USP49: variants seen among roughly 807,000 people sequenced by gnomAD.
The protein encoded by USP49 is ubiquitin carboxyl-terminal hydrolase 49.
A neutral mutation model predicts 58.6 loss-of-function variants in USP49; 24 were observed. That is an observed-to-expected ratio of 0.41 (90% CI 0.30 to 0.58). The LOEUF is 0.58. Ranked by LOEUF, USP49 falls within the 20% of genes least tolerant of loss-of-function variation. USP49 has a pLI of 0.30. For missense variants in USP49, 703 were observed against 866.1 expected, an observed-to-expected ratio of 0.81 and a Z score of 2.36; for synonymous variants, 408 against 365.1, an observed-to-expected ratio of 1.12 and a Z score of -1.34.
chr6:41,822,911 TTAAA>T (rs1246228836), intron 3 of USP49, among the ~76,000 whole-genome samples: 2 of 152,066 alleles, frequency 1.3e-5, no homozygotes, highest in Non-Finnish European at 2.9e-5. Flanking sequence ...GGAGTATTTG[TTAAA>T]TAAATACAGA....
intron 3 of USP49, among the ~76,000 whole-genome samples, chr6:41,860,413 G>T (rs1486177379): frequency 6.6e-6 from 1 of 151,906 alleles, no homozygotes; most frequent in Non-Finnish European, 1.5e-5. Flanking sequence ...GATAAATGAG[G>T]AAATTTGAAC....
At chr6:41,859,570 A>C (rs1462277260) in intron 3 of USP49, among the ~76,000 whole-genome samples, 1 of 152,176 alleles carries the variant, frequency 6.6e-6, no homozygotes, top group Non-Finnish European at 1.5e-5. Context: ...AACCTGAAGA[A>C]GACATCGTGC....
chr6:41,832,388 G>T (rs1007598113), intron 3 of USP49, among the ~76,000 whole-genome samples: 1 of 152,188 alleles, frequency 6.6e-6, no homozygotes, highest in African/African-American at 2.4e-5. Flanking sequence ...AGCTACATAT[G>T]TATGTACTGG....
At chr6:41,870,380 A>C (rs1340285639) in intron 3 of USP49, among the ~76,000 whole-genome samples, 2 of 152,184 alleles carry the variant, frequency 1.3e-5, no homozygotes, top group African/African-American at 4.8e-5. Flanking sequence ...GCACAAATAC[A>C]TGCCATATAC....
At chr6:41,800,044 A>G in intron 5 of USP49, 106 bp from the exon 6 acceptor site, 1 of 1,004,002 alleles carries the variant, frequency 1.0e-6, no homozygotes, top group Non-Finnish European at 1.5e-6. Context: ...ATTTCTCAGT[A>G]TCTGAACCTC....
intron 3 of USP49, among the ~76,000 whole-genome samples, chr6:41,844,259 A>G (rs901985558): frequency 2.0e-5 from 3 of 152,086 alleles, no homozygotes; most frequent in African/African-American, 7.2e-5. Flanking sequence ...AATTTTCTAA[A>G]TGATTGTTTA....
intron 3 of USP49, among the ~76,000 whole-genome samples, chr6:41,816,722 T>TTATTA: frequency 1.1e-5 from 1 of 92,662 alleles, no homozygotes; most frequent in Non-Finnish European, 2.2e-5. Context: ...TATTATTATT[T>TTATTA]TATTTTTTAA....
At chr6:41,883,714 T>C (rs1774656407) in intron 2 of USP49, among the ~76,000 whole-genome samples, 1 of 152,148 alleles carries the variant, frequency 6.6e-6, no homozygotes, top group Non-Finnish European at 1.5e-5. Context: ...TACCAAGTGT[T>C]GGGAGGGGCG....
chr6:41,851,770 T>C (rs942805383), intron 3 of USP49, among the ~76,000 whole-genome samples: 12 of 151,210 alleles, frequency 7.9e-5, no homozygotes, highest in African/African-American at 2.4e-4. Flanking sequence ...CTGGCCAAGA[T>C]GGTGAAACCC....
intron 3 of USP49, among the ~76,000 whole-genome samples, chr6:41,819,738 G>C (rs1421926012): frequency 2.6e-5 from 4 of 152,124 alleles, no homozygotes; most frequent in Non-Finnish European, 5.9e-5. Flanking sequence ...GATCAATTTT[G>C]CATGAAACTA....
At chr6:41,829,344 C>T (rs1027275690) in intron 3 of USP49, among the ~76,000 whole-genome samples, 2 of 149,384 alleles carry the variant, frequency 1.3e-5, no homozygotes, top group East Asian at 2.0e-4. Context: ...GATGGTGTTT[C>T]GCGCTTGTTG....
At position 41,806,253 on chromosome 6, in the gene USP49, C is replaced by T. The variant is rs1217488122; in HGVS notation, c.731G>A (p.Arg244His). Residue 244 changes from arginine to histidine, a missense_variant, in exon 4 of 8, where the codon CGC becomes CAC. This residue lies in a region of USP49 where 376 missense variants were observed against 373.5 expected (regional missense o/e 1.01). Coordinates refer to ENST00000682992, the MANE Select transcript of USP49 (RefSeq NM_001286554.2). This position sits in a 1 kb window ranked among gnomAD's most constrained non-coding sequence, Gnocchi z 5.9. The part of the protein sequence containing the change: ...RVPAATLKLR[R>H]QPAMAPGVTG... ...GACGCCTGGGGCCATGGCCGGCTGG[C>T]GACGCAGCTTGAGTGTGGCGGCGGG... The T allele has an allele frequency of 6.2e-7, 1 of 1,608,264 alleles. No individual in the cohort carries two copies.
intron 7 of USP49, chr6:41,797,849 T>C (rs140056867): frequency 1.8e-4 from 180 of 976,006 alleles, no homozygotes; most frequent in Non-Finnish European, 2.1e-4. Flanking sequence ...GAATAAGTAC[T>C]ATGTGGTAGG....
chr6:41,862,163 AG>A (rs1313483474), intron 3 of USP49, among the ~76,000 whole-genome samples: 4 of 152,218 alleles, frequency 2.6e-5, no homozygotes, highest in African/African-American at 9.6e-5. Flanking sequence ...CACTTACACA[AG>A]TGCATCTATG....
At chr6:41,815,398 G>C (rs2127330001) in intron 3 of USP49, among the ~76,000 whole-genome samples, 1 of 151,948 alleles carries the variant, frequency 6.6e-6, no homozygotes, top group East Asian at 1.9e-4. Context: ...TCCAGCCTGG[G>C]CGACAGAGTG....
At chr6:41,827,376 C>T (rs919542301) in intron 3 of USP49, among the ~76,000 whole-genome samples, 1 of 152,084 alleles carries the variant, frequency 6.6e-6, no homozygotes, top group Non-Finnish European at 1.5e-5. Context: ...AGAATATAGT[C>T]AGGCCGGGCA....
chr6:41,879,739 T>G (rs1392355989), intron 2 of USP49, among the ~76,000 whole-genome samples: 3 of 152,180 alleles, frequency 2.0e-5, no homozygotes, highest in Admixed American at 6.5e-5. Context: ...CCCTAGCCAT[T>G]TTCCCCACTC....
intron 3 of USP49, among the ~76,000 whole-genome samples, chr6:41,814,802 T>C (rs1274435189): frequency 2.6e-5 from 4 of 152,196 alleles, no homozygotes; most frequent in Non-Finnish European, 5.9e-5. Flanking sequence ...GAGTAGACAC[T>C]ATGGTAACAT....
chr6:41,802,405 A>T (rs201763930), intron 5 of USP49, among the ~76,000 whole-genome samples: 669 of 63,850 alleles, frequency 0.01, 14 homozygotes, highest in Admixed American at 0.037. Context: ...ATTTTATTTT[A>T]TTTTTTATTT....
Sources: allele counts gnomAD v4.1 joint callset (sites outside exome capture counted in the v4.1 genomes callset), GRCh38; gene constraint gnomAD v4.1.1; regional missense constraint gnomAD v4.1.1; non-coding constraint Gnocchi (gnomAD v3.1); transcripts MANE v1.5; gene names NCBI Gene and HGNC (gene_info 2026-07-23, HGNC 2026-07-21).